Variants in GTF3C4 observed in about 807,000 individuals in gnomAD.
GTF3C4 encodes general transcription factor 3C polypeptide 4.
Under a neutral mutation model 67.5 loss-of-function variants are expected in GTF3C4, and 28 were observed. The observed-to-expected ratio is 0.41, with a 90% CI of 0.31 to 0.57. The LOEUF is 0.57. Ranked by LOEUF, GTF3C4 falls within the 20% of genes least tolerant of loss-of-function variation. The pLI is 0.21. For missense variants in GTF3C4, 831 were observed against 1,033.2 expected, an observed-to-expected ratio of 0.80 and a Z score of 2.68; for synonymous variants, 409 against 393.0, an observed-to-expected ratio of 1.04 and a Z score of -0.48.
Position 132,678,160 on chromosome 9 carries a change from C to T in GTF3C4, c.541C>T (p.Leu181Phe). The T allele has an allele frequency of 6.2e-7, 1 of 1,614,222 alleles. No individual in the cohort carries two copies. Among genetic ancestry groups the T allele is most frequent in the Non-Finnish European group, 8.5e-7 (1 of 1,180,026 alleles). ...PMGCDANGRCLLAALTMDNRL... is the reference protein window; with the variant it reads ...PMGCDANGRCFLAALTMDNRL... ...GGGTTGCGATGCTAATGGCAGGTGC[C>T]TCTTGGCAGCACTGACCATGGACAA... is the stretch of plus-strand genomic sequence containing the variant. The change falls in exon 2 of 5, where the codon CTC becomes TTC. Residue 181 changes from leucine (L) to phenylalanine (F), a missense_variant. By Grantham distance (22) the Leu-to-Phe change is conservative. Around this residue, in one of 4 missense-constraint regions of GTF3C4, gnomAD observed 390 missense variants for 540.3 expected, o/e 0.72. Transcript: ENST00000372146. The surrounding 1 kb of genome is among the most constrained non-coding windows in gnomAD (Gnocchi z 6.5).
At position 132,690,611 on chromosome 9, in the gene GTF3C4, T is replaced by G. The variant is rs1836102037; in HGVS notation, c.*1666T>G. On this transcript the variant is annotated 3_prime_UTR_variant, in exon 5 of 5. Coordinates refer to ENST00000372146, the MANE Select transcript of GTF3C4 (RefSeq NM_012204.4). ...CAAATTGCTGTTTTGTCTCCTATGT[T>G]TAATCATGTATTTGCTATTCTGCTT... 1 of 152,038 alleles carries G rather than the reference T, an allele frequency of 6.6e-6. No individual in the cohort carries two copies. Among genetic ancestry groups the G allele is most frequent in the South Asian group, 2.1e-4 (1 of 4,806 alleles). The allele number at this position is 152,038 out of a possible 1,614,324, so 9.4% of individuals were successfully genotyped here.
intron 1 of GTF3C4, among the ~76,000 whole-genome samples, chr9:132,672,851 G>T (rs1835805422): frequency 6.6e-6 from 1 of 152,182 alleles, no homozygotes; most frequent in South Asian, 2.1e-4. Context: ...ATAATCACTT[G>T]GCCCAGTTCT....
At chr9:132,670,094 C>G (rs766519136), upstream of GTF3C4, 47 of 1,561,502 alleles carry the variant, frequency 3.0e-5, no homozygotes, top group Non-Finnish European at 3.9e-5. Flanking sequence ...CCGGGGACGG[C>G]GGCACCGGGC....
intron 3 of GTF3C4, among the ~76,000 whole-genome samples, chr9:132,684,466 A>G (rs1835995874): frequency 1.3e-5 from 2 of 152,088 alleles, no homozygotes; most frequent in Admixed American, 1.3e-4. Context: ...CTGTTATTAT[A>G]GTTGTGATAG....
chr9:132,670,672 AG>A lies in GTF3C4; in HGVS notation c.80del (p.Gly27AlafsTer25). 1 of 1,343,824 alleles carries A rather than the reference AG, an allele frequency of 7.4e-7. No homozygotes were observed. The allele number at this position is 1,343,824 out of a possible 1,614,324, so 83.2% of individuals were successfully genotyped here. On this transcript the variant is annotated frameshift_variant, in exon 1 of 5. Transcript: ENST00000372146. LOFTEE classifies it high-confidence loss of function. Reference sequence around the variant, plus strand: ...GCGCCGTCTGGGGAGGAGGAGGGAGAGGGGGGCGGCGAGGCGGGCGGGAAGG... The same window carrying A: ...GCGCCGTCTGGGGAGGAGGAGGGAGAGGGGGCGGCGAGGCGGGCGGGAAGG... Reference protein sequence around the residue: ...GPAPSGEEEGEGGGEAGGKEP... With the variant: ...GPAPSGEEEGXGGGEAGGKEP...
At chr9:132,682,676 C>T (rs759127687) in intron 2 of GTF3C4, among the ~76,000 whole-genome samples, 26 of 144,042 alleles carry the variant, frequency 1.8e-4, no homozygotes, top group Non-Finnish European at 3.0e-4. Context: ...GCAATCTCGG[C>T]TCACTGCAAC....
chr9:132,677,270 T>G (rs1835876307), intron 1 of GTF3C4, among the ~76,000 whole-genome samples: 1 of 152,082 alleles, frequency 6.6e-6, no homozygotes, highest in African/African-American at 2.4e-5. Flanking sequence ...GGTGTGGTGG[T>G]GCACGCTTGT....
intron 2 of GTF3C4, among the ~76,000 whole-genome samples, chr9:132,680,729 C>T (rs1286161642): frequency 2.0e-5 from 3 of 152,214 alleles, no homozygotes; most frequent in Non-Finnish European, 4.4e-5. Context: ...ACACGTTCGC[C>T]TTTGAAATTA....
At position 132,683,565 on chromosome 9, in the gene GTF3C4, G is replaced by A. The variant is rs749959407; in HGVS notation, c.2187G>A (p.Val729=). ...DEEYDDRTAR[V]LIGHISKKMN... is the part of the protein sequence containing the mutation. ...TGCTGACTACTTTGTCTTACTAGGTGCTGATTGGACATATCTCAAAGAAGA... is the reference window on the plus strand; with the variant it reads ...TGCTGACTACTTTGTCTTACTAGGTACTGATTGGACATATCTCAAAGAAGA... The change falls in exon 3 of 5, where the codon GTG becomes GTA. Residue 729 remains valine (V), a splice_region_variant and synonymous_variant. Coordinates refer to ENST00000372146, the MANE Select transcript of GTF3C4 (RefSeq NM_012204.4). 3 of 1,610,666 alleles carry A rather than the reference G, an allele frequency of 1.9e-6. No homozygotes were observed. Among genetic ancestry groups the A allele is most frequent in the Non-Finnish European group, 2.5e-6 (3 of 1,179,196 alleles).
At chr9:132,677,467 A>G (rs1564355096) in intron 1 of GTF3C4, among the ~76,000 whole-genome samples, 1 of 152,220 alleles carries the variant, frequency 6.6e-6, no homozygotes, top group Non-Finnish European at 1.5e-5. Context: ...TGACCTCAAA[A>G]GGCCTTATAG....
Position 132,683,941 on chromosome 9 carries a change from C to T in GTF3C4, c.2315+248C>T, listed in dbSNP as rs192626125. Among the ~76,000 whole-genome samples, 13 of 152,204 alleles carry T rather than the reference C, an allele frequency of 8.5e-5. No individual in the cohort carries two copies. In the East Asian group the frequency reaches 2.5e-3, roughly 29 times the overall value. On this transcript the variant is annotated intron_variant, in intron 3 of 4. Transcript: ENST00000372146. ...TTTTCTTGTTTTATTTGTTCATTTT[C>T]CTAATTGAACAAATTATGGCTCCTC...
rs1054066271 is a variant in GTF3C4 at position 132,692,642 on chromosome 9, A to G, written c.*3697A>G. 9 of 152,220 alleles carry G rather than the reference A, an allele frequency of 5.9e-5. No individual in the cohort carries two copies. The highest frequency in any genetic ancestry group is 1.2e-4 in the Non-Finnish European group (8 of 68,040). 9.4% of individuals were successfully genotyped at this position (152,220 alleles called of 1,614,324 possible). On this transcript the variant is annotated 3_prime_UTR_variant, in exon 5 of 5. Coordinates refer to ENST00000372146, the MANE Select transcript of GTF3C4 (RefSeq NM_012204.4). Reference sequence around the variant, plus strand: ...CTCTGCATGGTTTCCATAATTCATTATGATGTATCTTTATGCTCTTTCACT... The same window carrying G: ...CTCTGCATGGTTTCCATAATTCATTGTGATGTATCTTTATGCTCTTTCACT...
Position 132,678,256 on chromosome 9 carries a change from G to A in GTF3C4, c.637G>A (p.Gly213Arg). 1 of 1,614,192 alleles carries A rather than the reference G, an allele frequency of 6.2e-7. No homozygotes were observed. Residue 213 changes from glycine to arginine, a missense_variant, in exon 2 of 5, where the codon GGA (glycine) becomes AGA (arginine). Gly to Arg is a moderately radical substitution (Grantham distance 125). Transcript: ENST00000372146. This position sits in a 1 kb window ranked among gnomAD's most constrained non-coding sequence, Gnocchi z 6.5. Reference protein sequence around the residue: ...VQLVDLTEIYGERLYETSYRL... With the variant: ...VQLVDLTEIYRERLYETSYRL... ...GCTGGTTGACCTGACTGAGATCTATGGAGAACGTCTTTATGAGACCAGTTA... is the reference window on the plus strand; with the variant it reads ...GCTGGTTGACCTGACTGAGATCTATAGAGAACGTCTTTATGAGACCAGTTA...
In GTF3C4 at chr9:132,679,390, A is replaced by AC; in HGVS notation, c.1775dup (p.Ser593PhefsTer10). ...GATTTTATATCAGTCAATGCAGAAAACCCCTTCAGAAGCCTTGTGGAAACC... is the reference window on the plus strand; with the variant it reads ...GATTTTATATCAGTCAATGCAGAAAACCCCCTTCAGAAGCCTTGTGGAAACC... On this transcript the variant is annotated frameshift_variant, in exon 2 of 5. Transcript: ENST00000372146. LOFTEE classifies it high-confidence loss of function. This position sits in a 1 kb window ranked among gnomAD's most constrained non-coding sequence, Gnocchi z 5.9. The AC allele has an allele frequency of 6.2e-7, 1 of 1,613,732 alleles. No individual in the cohort carries two copies. Among genetic ancestry groups the AC allele is most frequent in the Non-Finnish European group, 8.5e-7 (1 of 1,179,978 alleles).
At chr9:132,687,154 A>C in intron 3 of GTF3C4, 85 bp from the exon 4 acceptor site, 1 of 803,632 alleles carries the variant, frequency 1.2e-6, no homozygotes, top group South Asian at 1.4e-5. Flanking sequence ...GTTTTATGAT[A>C]ACTCTCTGTG....
At chr9:132,681,081 CAAG>C (rs992142269) in intron 2 of GTF3C4, among the ~76,000 whole-genome samples, 6 of 152,106 alleles carry the variant, frequency 3.9e-5, no homozygotes, top group African/African-American at 1.4e-4. Context: ...GCACAATCGA[CAAG>C]AGCAAAACCC....
At position 132,679,809 on chromosome 9, in the gene GTF3C4, T is replaced by C; in HGVS notation, c.2184+6T>C. 6.4e-7 allele frequency: 1 copy of C among 1,559,324 alleles called. No individual in the cohort carries two copies. The highest frequency in any genetic ancestry group is 8.7e-7 in the Non-Finnish European group (1 of 1,149,744). ...ATGATGACAGAACTGCACGGGTAGG[T>C]GTTTATTAACAAAAACTCTGAAATT... On this transcript the variant is annotated splice_donor_region_variant and intron_variant, in intron 2 of 4. Transcript: ENST00000372146. The surrounding 1 kb of genome is among the most constrained non-coding windows in gnomAD (Gnocchi z 5.9).
intron 1 of GTF3C4, among the ~76,000 whole-genome samples, chr9:132,674,550 A>G (rs1384170357): frequency 6.6e-6 from 1 of 152,326 alleles, no homozygotes; most frequent in East Asian, 1.9e-4. Flanking sequence ...TGGGTTACCA[A>G]TCCTGTGAGT....
At position 132,678,666 on chromosome 9, in the gene GTF3C4, A is replaced by C. The variant is rs1835898301; in HGVS notation, c.1047A>C (p.Ala349=). ...AAATTCTTCCTGTCAATCTCAAAGCAGTCAAAGGCTATTTCACTTTAAGGC... is the reference window on the plus strand; with the variant it reads ...AAATTCTTCCTGTCAATCTCAAAGCCGTCAAAGGCTATTTCACTTTAAGGC... ...PIKILPVNLK[A]VKGYFTLRQP... The change falls in exon 2 of 5, where the codon GCA becomes GCC. Residue 349 remains alanine (A), a synonymous_variant. Coordinates refer to ENST00000372146, the MANE Select transcript of GTF3C4 (RefSeq NM_012204.4). The surrounding 1 kb of genome is among the most constrained non-coding windows in gnomAD (Gnocchi z 6.5). 2 of 1,614,034 alleles carry C rather than the reference A, an allele frequency of 1.2e-6. No individual in the cohort carries two copies. Among genetic ancestry groups the C allele is most frequent in the African/African-American group, 1.3e-5 (1 of 74,938 alleles).
Sources: gnomAD v4.1 joint callset for allele counts (sites outside exome capture counted in the v4.1 genomes callset) on GRCh38, gnomAD v4.1.1 for gene constraint, gnomAD v4.1.1 regional missense constraint, Gnocchi (gnomAD v3.1) non-coding constraint, MANE v1.5 for transcripts, NCBI Gene and HGNC (gene_info 2026-07-23, HGNC 2026-07-21) for gene names.